Variants in SIPA1L1 observed in about 807,000 individuals in gnomAD.
SIPA1L1 encodes signal induced proliferation associated 1 like 1, also known as signal-induced proliferation-associated 1-like protein 1.
A neutral mutation model predicts 162.7 loss-of-function variants in SIPA1L1; 26 were observed. The ratio of observed to expected loss-of-function variants is 0.16; its 90% CI spans 0.12 to 0.22. The LOEUF (loss-of-function observed/expected upper bound fraction) is 0.22. Among genes scored for constraint, SIPA1L1 ranks in the 10% least tolerant of loss-of-function variants. The pLI is 1.00. For missense variants in SIPA1L1, 1,874 were observed against 2,241.0 expected, an observed-to-expected ratio of 0.84 and a Z score of 3.31; for synonymous variants, 829 against 837.4, an observed-to-expected ratio of 0.99 and a Z score of 0.17.
chr14:71,563,652 C>T (rs2056965865), intron 4 of SIPA1L1, among the ~76,000 whole-genome samples: 1 of 152,194 alleles, frequency 6.6e-6, no homozygotes, highest in Non-Finnish European at 1.5e-5. Flanking sequence ...TCTGTACTAC[C>T]TCACAATGCA....
intron 10 of SIPA1L1, among the ~76,000 whole-genome samples, chr14:71,665,357 A>G (rs1350522766): frequency 6.6e-6 from 1 of 152,196 alleles, no homozygotes; most frequent in African/African-American, 2.4e-5. Flanking sequence ...TGACTAATTC[A>G]GACTAATTCC....
intron 2 of SIPA1L1, among the ~76,000 whole-genome samples, chr14:71,383,850 G>C (rs530692530): frequency 6.6e-6 from 1 of 152,212 alleles, no homozygotes; most frequent in East Asian, 1.9e-4. Context: ...TTCCACACTG[G>C]GGAACACATT....
intron 2 of SIPA1L1, among the ~76,000 whole-genome samples, chr14:71,508,960 G>A (rs2050894208): frequency 6.6e-6 from 1 of 152,214 alleles, no homozygotes; most frequent in Admixed American, 6.5e-5. Flanking sequence ...ACCCTGTTGA[G>A]TAGTGTAGAT....
chr14:71,514,508 C>T (rs1447026585), intron 3 of SIPA1L1, among the ~76,000 whole-genome samples: 3 of 152,174 alleles, frequency 2.0e-5, no homozygotes, highest in African/African-American at 7.2e-5. Context: ...TGTTTCCTAT[C>T]TATAGGGAGA....
intron 4 of SIPA1L1, among the ~76,000 whole-genome samples, chr14:71,529,677 G>A (rs2053242640): frequency 6.6e-6 from 1 of 152,198 alleles, no homozygotes; most frequent in African/African-American, 2.4e-5. Context: ...ATGTTATGGG[G>A]TTGAAGAACT....
At chr14:71,378,724 T>A (rs180921583) in intron 2 of SIPA1L1, among the ~76,000 whole-genome samples, 5 of 152,324 alleles carry the variant, frequency 3.3e-5, no homozygotes, top group Non-Finnish European at 7.4e-5. Context: ...GAGTGATACA[T>A]TGAAAATCTA....
rs181510239 is a variant in SIPA1L1 at position 71,490,488 on chromosome 14, A to G, written c.-464-22255A>G. 3.9e-5 allele frequency among the ~76,000 whole-genome samples: 6 copies of G among 152,328 alleles called. No homozygotes were observed. In the East Asian group the frequency reaches 1.2e-3, roughly 29 times the overall value. Reference sequence around the variant, plus strand: ...TGTCTAAATTTTTTTTTACATCAAAATAAGTATTTTTAAAAAAGAAAATGT... The same window carrying G: ...TGTCTAAATTTTTTTTTACATCAAAGTAAGTATTTTTAAAAAAGAAAATGT... On this transcript the variant is annotated intron_variant, in intron 2 of 23. Coordinates refer to ENST00000381232, the MANE Select transcript of SIPA1L1 (RefSeq NM_001386936.1).
At chr14:71,583,146 CTA>C (rs1382473103) in intron 4 of SIPA1L1, among the ~76,000 whole-genome samples, 1 of 152,122 alleles carries the variant, frequency 6.6e-6, no homozygotes, top group Non-Finnish European at 1.5e-5. Context: ...AGTTCAAAAA[CTA>C]TTTCTATTTT....
chr14:71,684,462 T>C (rs533145841), intron 12 of SIPA1L1, among the ~76,000 whole-genome samples: 4 of 152,370 alleles, frequency 2.6e-5, no homozygotes, highest in African/African-American at 7.2e-5. Flanking sequence ...GGACGCCCTT[T>C]GGGCCTGCAC....
chr14:71,458,881 G>A (rs1361813805), intron 2 of SIPA1L1, among the ~76,000 whole-genome samples: 1 of 151,920 alleles, frequency 6.6e-6, no homozygotes, highest in East Asian at 1.9e-4. Flanking sequence ...GACCAACCTG[G>A]CCTCTAACTC....
intron 2 of SIPA1L1, among the ~76,000 whole-genome samples, chr14:71,491,523 G>A (rs544409786): frequency 6.6e-6 from 1 of 151,032 alleles, no homozygotes; most frequent in Non-Finnish European, 1.5e-5. Flanking sequence ...CAACCTGTTT[G>A]TTGTTGTTGT....
At chr14:71,439,284 C>T (rs1214990676) in intron 2 of SIPA1L1, among the ~76,000 whole-genome samples, 1 of 152,170 alleles carries the variant, frequency 6.6e-6, no homozygotes, top group East Asian at 1.9e-4. Context: ...TTAATTCTCT[C>T]TTCTTCACTA....
At chr14:71,695,928 T>G (rs950983534) in intron 13 of SIPA1L1, among the ~76,000 whole-genome samples, 13 of 152,212 alleles carry the variant, frequency 8.5e-5, no homozygotes, top group African/African-American at 3.1e-4. Flanking sequence ...ATTCCTCCTA[T>G]TCATACCCCT....
At chr14:71,611,981 T>TA (rs961451461) in intron 5 of SIPA1L1, among the ~76,000 whole-genome samples, 9 of 151,424 alleles carry the variant, frequency 5.9e-5, no homozygotes, top group African/African-American at 1.9e-4. Flanking sequence ...GTCGACTATT[T>TA]AAAAAAAAAT....
chr14:71,691,100 G>T (rs2081223755), intron 13 of SIPA1L1, among the ~76,000 whole-genome samples: 1 of 152,176 alleles, frequency 6.6e-6, no homozygotes, highest in Non-Finnish European at 1.5e-5. Context: ...TCCTGCCATT[G>T]CCTGAGAAGT....
chr14:71,421,367 A>G (rs1352709150), intron 2 of SIPA1L1, among the ~76,000 whole-genome samples: 1 of 152,088 alleles, frequency 6.6e-6, no homozygotes, highest in Non-Finnish European at 1.5e-5. Context: ...CTGAGGCAGG[A>G]GGATTGCTTG....
chr14:71,352,767 A>G (rs911003791), intron 2 of SIPA1L1, among the ~76,000 whole-genome samples: 2 of 152,224 alleles, frequency 1.3e-5, no homozygotes, highest in East Asian at 3.9e-4. Flanking sequence ...TCACTTTGGT[A>G]GATACTGATA....
intron 2 of SIPA1L1, among the ~76,000 whole-genome samples, chr14:71,424,114 G>A (rs900900201): frequency 6.6e-6 from 1 of 151,994 alleles, no homozygotes; most frequent in Non-Finnish European, 1.5e-5. Context: ...ACTGATTTTT[G>A]TATGTAGACT....
intron 9 of SIPA1L1, 136 bp from the exon 10 acceptor site, chr14:71,661,174 A>G: frequency 1.3e-6 from 1 of 790,304 alleles, no homozygotes; most frequent in East Asian, 2.7e-5. Context: ...AAACATTGAC[A>G]GTACCTGTGT....
Sources: gnomAD v4.1 joint callset for allele counts (sites outside exome capture counted in the v4.1 genomes callset) on GRCh38, gnomAD v4.1.1 for gene constraint, MANE v1.5 for transcripts, NCBI Gene and HGNC (gene_info 2026-07-23, HGNC 2026-07-21) for gene names.